The following DLGAP2 variants were observed in gnomAD, a reference collection of about 807,000 sequenced individuals.
DLGAP2 encodes DLG associated protein 2, also known as disks large-associated protein 2.
DLGAP2 carries 26 observed loss-of-function variants against 100.3 expected under a neutral mutation model. The observed-to-expected ratio is 0.26, with a 90% CI of 0.19 to 0.36. The LOEUF (loss-of-function observed/expected upper bound fraction) is 0.36, where lower values mean the gene tolerates loss of function less well. Ranked by LOEUF, DLGAP2 falls within the 10% of genes least tolerant of loss-of-function variation. The pLI is 1.00. For missense variants in DLGAP2, 1,858 were observed against 1,453.2 expected (o/e 1.28, Z -4.53); for synonymous variants, 886 against 630.1 (o/e 1.41, Z -6.08).
chr8:1,590,100 C>G (rs1030183431), intron 6 of DLGAP2, among the ~76,000 whole-genome samples: 3 of 152,192 alleles, frequency 2.0e-5, no homozygotes, highest in African/African-American at 4.8e-5. Flanking sequence ...CACCCTCGGC[C>G]TCTGCCTCCC....
intron 1 of DLGAP2, chr8:821,963 T>C (rs1255353149): frequency 2.5e-6 from 1 of 393,850 alleles, no homozygotes. Context: ...TCTTGCCATA[T>C]TGCTCTTTTC....
intron 1 of DLGAP2, among the ~76,000 whole-genome samples, chr8:798,902 G>C (rs899171393): frequency 9.9e-5 from 15 of 152,260 alleles, no homozygotes; most frequent in African/African-American, 3.4e-4. Flanking sequence ...ACGGGTGCCT[G>C]CTTCCGTTGG....
At chr8:894,526 A>G (rs192770127) in intron 1 of DLGAP2, among the ~76,000 whole-genome samples, 17 of 151,218 alleles carry the variant, frequency 1.1e-4, no homozygotes, top group African/African-American at 3.4e-4. Context: ...AGGTGCAGAA[A>G]GACAAGCACA....
At chr8:1,480,871 A>G (rs111986622) in intron 3 of DLGAP2, among the ~76,000 whole-genome samples, 6,515 of 149,636 alleles carry the variant, frequency 0.044, 399 homozygotes, top group African/African-American at 0.14. Flanking sequence ...CATATAAAAA[A>G]AAAAGAAAAG....
chr8:1,051,839 C>G (rs976210993), intron 2 of DLGAP2, among the ~76,000 whole-genome samples: 1 of 152,116 alleles, frequency 6.6e-6, no homozygotes, highest in African/African-American at 2.4e-5. Flanking sequence ...CTACTCCTCT[C>G]TAAGTGGAGA....
chr8:1,522,818 C>G (rs189284011), intron 4 of DLGAP2, among the ~76,000 whole-genome samples: 5 of 152,296 alleles, frequency 3.3e-5, no homozygotes, highest in Non-Finnish European at 1.5e-5. Context: ...CATTTATTCT[C>G]TTTAATAGCC....
chr8:925,611 C>T (rs1205972788), intron 2 of DLGAP2, among the ~76,000 whole-genome samples: 3 of 152,094 alleles, frequency 2.0e-5, no homozygotes, highest in Non-Finnish European at 4.4e-5. Context: ...TAGGGCCCTC[C>T]AGAGAAGTGG....
At chr8:874,898 A>G (rs1397888261) in intron 1 of DLGAP2, among the ~76,000 whole-genome samples, 1 of 152,138 alleles carries the variant, frequency 6.6e-6, no homozygotes, top group East Asian at 1.9e-4. Context: ...GTTAAGGTGC[A>G]TGTGTGTGTA....
At chr8:1,523,528 C>A (rs2130427971) in intron 4 of DLGAP2, among the ~76,000 whole-genome samples, 1 of 152,328 alleles carries the variant, frequency 6.6e-6, no homozygotes, top group East Asian at 1.9e-4. Flanking sequence ...GGGAAGGACT[C>A]CCTGCCCCAG....
intron 1 of DLGAP2, among the ~76,000 whole-genome samples, chr8:800,527 G>A (rs916928283): frequency 5.3e-5 from 8 of 152,214 alleles, no homozygotes; most frequent in Admixed American, 5.2e-4. Flanking sequence ...CCTGTGTCCT[G>A]CTGCCTTGGG....
chr8:791,460 C>A (rs1434402702), intron 1 of DLGAP2, among the ~76,000 whole-genome samples: 4 of 152,194 alleles, frequency 2.6e-5, no homozygotes, highest in African/African-American at 9.7e-5. Context: ...AATTTCTTTT[C>A]ACCCTTCAAA....
At chr8:1,334,469 A>G (rs1216542997) in intron 3 of DLGAP2, among the ~76,000 whole-genome samples, 1 of 152,194 alleles carries the variant, frequency 6.6e-6, no homozygotes, top group East Asian at 1.9e-4. Flanking sequence ...TGGATTTCTC[A>G]GGCCTACTTT....
At chr8:767,428 C>G in intron 1 of DLGAP2, among the ~76,000 whole-genome samples, 1 of 145,266 alleles carries the variant, frequency 6.9e-6, no homozygotes. Context: ...TTGACTCGGT[C>G]TTGGCTCACT....
At chr8:954,685 G>C (rs933137568) in intron 2 of DLGAP2, among the ~76,000 whole-genome samples, 1 of 152,108 alleles carries the variant, frequency 6.6e-6, no homozygotes, top group Admixed American at 6.6e-5. Flanking sequence ...ATTGATTATG[G>C]TTACATATAT....
chr8:1,026,347 C>T (rs75280547), intron 2 of DLGAP2, among the ~76,000 whole-genome samples: 3,501 of 152,232 alleles, frequency 0.023, 125 homozygotes, highest in African/African-American at 0.08. Flanking sequence ...TTCAGATTGC[C>T]GTTCACATGG....
At chr8:1,507,341 G>A (rs914469278) in intron 4 of DLGAP2, among the ~76,000 whole-genome samples, 4 of 152,196 alleles carry the variant, frequency 2.6e-5, no homozygotes, top group Admixed American at 1.3e-4. Context: ...GGCGTGCAGC[G>A]CCGGTGGGCC....
At position 1,173,305 on chromosome 8, in the gene DLGAP2, C is replaced by G. The variant is rs1307661872; in HGVS notation, c.74-85546C>G. Among the ~76,000 whole-genome samples the G allele has an allele frequency of 2.6e-5, 4 of 152,204 alleles. No individual in the cohort carries two copies. The South Asian group carries it at 6.2e-4, about 24-fold the overall frequency. On this transcript the variant is annotated intron_variant, in intron 2 of 14. Coordinates refer to ENST00000637795, the MANE Select transcript of DLGAP2 (RefSeq NM_001346810.2). ...AGTCTGCCCCTACTGGGGGGTGCCT[C>G]CAGTTAGGCTGCTCAGGGGTCAGGG...
chr8:1,463,372 AT>A (rs1798515025), intron 3 of DLGAP2, among the ~76,000 whole-genome samples: 1 of 152,240 alleles, frequency 6.6e-6, no homozygotes, highest in Non-Finnish European at 1.5e-5. Flanking sequence ...TAAAATACAT[AT>A]GATGAACTGA....
At chr8:1,696,738 T>C (rs577869058) in intron 13 of DLGAP2, among the ~76,000 whole-genome samples, 1 of 152,254 alleles carries the variant, frequency 6.6e-6, no homozygotes, top group South Asian at 2.1e-4. Flanking sequence ...CAAGCAGGTA[T>C]AGAATGGGCT....
Sources: gnomAD v4.1 joint callset for allele counts (sites outside exome capture counted in the v4.1 genomes callset) on GRCh38, gnomAD v4.1.1 for gene constraint, MANE v1.5 for transcripts, NCBI Gene and HGNC (gene_info 2026-07-23, HGNC 2026-07-21) for gene names.